CENPE: variants seen among roughly 807,000 people sequenced by gnomAD.
CENPE encodes the protein centromere protein E, also known as centromere-associated protein E.
CENPE carries 145 observed loss-of-function variants against 336.1 expected under a neutral mutation model. The observed-to-expected ratio is 0.43, with a 90% CI of 0.38 to 0.50. The LOEUF is 0.50. Among genes scored for constraint, CENPE ranks in the 20% least tolerant of loss-of-function variants. CENPE has a pLI of 0.00. For missense variants in CENPE, 2,719 were observed against 3,023.3 expected (o/e 0.90, Z 2.36); for synonymous variants, 1,013 against 984.8 (o/e 1.03, Z -0.54).
chr4:103,124,266 A>T (rs971246744), intron 42 of CENPE, among the ~76,000 whole-genome samples: 1 of 152,222 alleles, frequency 6.6e-6, no homozygotes, highest in African/African-American at 2.4e-5. Context: ...ACATTCTAAA[A>T]CAGTACTTTA....
rs755028755 is a variant in CENPE at position 103,108,876 on chromosome 4, A to T, written c.7938T>A (p.Asp2646Glu). Residue 2646 changes from aspartate to glutamate, a missense_variant, in exon 48 of 49, where the codon GAT (aspartate) becomes GAA (glutamate). By Grantham distance (45) the Asp-to-Glu change is conservative. Transcript: ENST00000265148. Reference sequence around the variant, plus strand: ...GTGATGGTAAAGACTTTGATCGGCTATCAAAAAAACAAGATTTTGGTGATT... The same window carrying T: ...GTGATGGTAAAGACTTTGATCGGCTTTCAAAAAAACAAGATTTTGGTGATT... ...PKESPKSCFF[D>E]SRSKSLPSPH... is the part of the protein sequence containing the mutation. 1.2e-6 allele frequency: 2 copies of T among 1,613,974 alleles called. No homozygotes were observed. Among genetic ancestry groups the T allele is most frequent in the Non-Finnish European group, 1.7e-6 (2 of 1,179,872 alleles).
chr4:103,139,995 C>T lies in CENPE; in HGVS notation c.5998G>A (p.Glu2000Lys). The T allele has an allele frequency of 6.2e-7, 1 of 1,612,838 alleles. No homozygotes were observed. Among genetic ancestry groups the T allele is most frequent in the East Asian group, 2.2e-5 (1 of 44,738 alleles). The change falls in exon 38 of 49, where the codon GAA becomes AAA. Residue 2000 changes from glutamate to lysine, a missense_variant. This residue lies in a region of CENPE where 2,437 missense variants were observed against 2,513.3 expected (regional missense o/e 0.97). Coordinates refer to ENST00000265148, the MANE Select transcript of CENPE (RefSeq NM_001813.3). ...GCCTCAAATTGCTTCTTCAACTGTT[C>T]CATTTCATTAATTTTTTTATGACTC... ...NMSHKKINEM[E>K]QLKKQFEAQN...
chr4:103,110,966 G>C lies in CENPE; in HGVS notation c.7586C>G (p.Thr2529Ser). 1.2e-6 allele frequency: 2 copies of C among 1,610,472 alleles called. No homozygotes were observed. The highest frequency in any genetic ancestry group is 1.7e-6 in the Non-Finnish European group (2 of 1,178,510). The change falls in exon 47 of 49, where the codon ACT becomes AGT. Residue 2529 changes from threonine (T) to serine (S), a missense_variant. By Grantham distance (58) the Thr-to-Ser change is moderately conservative. Transcript: ENST00000265148. ...TDPQPSNKPL[T>S]CGGGSGIVQN... ...TACAATGCCGCTGCCACCTCCACAA[G>C]TTAAGGGTTTATTTGAAGGCTGAGG... is the stretch of plus-strand genomic sequence containing the variant.
intron 42 of CENPE, among the ~76,000 whole-genome samples, chr4:103,131,387 A>G (rs1242547767): frequency 6.6e-6 from 1 of 152,158 alleles, no homozygotes; most frequent in Non-Finnish European, 1.5e-5. Context: ...ATGAGATACC[A>G]CTAGAATGGT....
intron 42 of CENPE, among the ~76,000 whole-genome samples, chr4:103,131,633 C>T (rs1472101152): frequency 6.6e-6 from 1 of 152,066 alleles, no homozygotes; most frequent in East Asian, 1.9e-4. Context: ...AAATGTATGT[C>T]CACACAAAAA....
intron 33 of CENPE, 92 bp from the exon 34 acceptor site, chr4:103,143,498 C>A (rs1371725320): frequency 1.2e-6 from 1 of 843,426 alleles, no homozygotes; most frequent in East Asian, 2.5e-5. Context: ...AAATCTTCCA[C>A]CCTCTTCTGA....
intron 23 of CENPE, 73 bp from the exon 24 acceptor site, chr4:103,158,531 A>G: frequency 6.6e-7 from 1 of 1,505,068 alleles, no homozygotes; most frequent in Non-Finnish European, 8.9e-7. Context: ...ACTACATAAC[A>G]TAATCATAAA....
At chr4:103,151,466 A>T in intron 25 of CENPE, 89 bp from the exon 26 acceptor site, 1 of 972,956 alleles carries the variant, frequency 1.0e-6, no homozygotes, top group East Asian at 2.9e-5. Context: ...CTCAGTCTGC[A>T]AATGAAGAAA....
chr4:103,181,465 A>G lies in CENPE; in HGVS notation c.964-9T>C, dbSNP rs979366056. The G allele has an allele frequency of 1.9e-6, 3 of 1,558,202 alleles. No homozygotes were observed. The highest frequency in any genetic ancestry group is 2.8e-5 in the African/African-American group (2 of 71,168). ...TTAGCAGTACTGGCAAACTGGAAAA[A>G]AAATACGAAAGTGCTAAGTGTTCAA... is the stretch of plus-strand genomic sequence containing the variant. On this transcript the variant is annotated splice_polypyrimidine_tract_variant and intron_variant, in intron 11 of 48. Transcript: ENST00000265148.
At chr4:103,131,523 C>T (rs1431012677) in intron 42 of CENPE, among the ~76,000 whole-genome samples, 2 of 152,088 alleles carry the variant, frequency 1.3e-5, no homozygotes, top group Non-Finnish European at 2.9e-5. Context: ...AATGGTACCG[C>T]CCCTTTGGAA....
chr4:103,138,189 A>AT (rs1752230896), intron 39 of CENPE, among the ~76,000 whole-genome samples, 162 bp downstream of exon 39: 1 of 152,158 alleles, frequency 6.6e-6, no homozygotes, highest in African/African-American at 2.4e-5. Context: ...GTATGTGTGT[A>AT]TATATGCATT....
chr4:103,119,146 C>T (rs1212212620), intron 44 of CENPE, among the ~76,000 whole-genome samples: 4 of 152,006 alleles, frequency 2.6e-5, no homozygotes, highest in Admixed American at 6.6e-5. Flanking sequence ...TCACTTTTCA[C>T]CACTTGAGAT....
chr4:103,171,866 AC>A (rs1175856162), intron 16 of CENPE, among the ~76,000 whole-genome samples: 1 of 151,958 alleles, frequency 6.6e-6, no homozygotes, highest in Non-Finnish European at 1.5e-5. Flanking sequence ...AAATTGAAAA[AC>A]CTAGAAGAAA....
intron 21 of CENPE, among the ~76,000 whole-genome samples, chr4:103,160,243 T>C (rs1754321623): frequency 6.6e-6 from 1 of 151,868 alleles, no homozygotes; most frequent in South Asian, 2.1e-4. Flanking sequence ...TAAAACTTTA[T>C]CAGTGCAACC....
Position 103,145,333 on chromosome 4 carries a change from A to G in CENPE, c.4574T>C (p.Ile1525Thr). The change falls in exon 32 of 49, where the codon ATC (isoleucine) becomes ACC (threonine). Residue 1525 changes from isoleucine (I) to threonine (T), a missense_variant and splice_region_variant. Transcript: ENST00000265148. ...EAINDKLQNK[I>T]QEIYEKEEQF... ...TTCCTCTTTCTCATAAATCTCTTGGATCTTAAACATAATTATAAAATAAGT... is the reference window on the plus strand; with the variant it reads ...TTCCTCTTTCTCATAAATCTCTTGGGTCTTAAACATAATTATAAAATAAGT... 1 of 1,507,734 alleles carries G rather than the reference A, an allele frequency of 6.6e-7. No homozygotes were observed. Among genetic ancestry groups the G allele is most frequent in the Non-Finnish European group, 9.1e-7 (1 of 1,097,664 alleles). 93.4% of individuals were successfully genotyped at this position (1,507,734 alleles called of 1,614,324 possible). A position where few individuals can be genotyped will look rare whatever the true frequency, so the allele number is the denominator to read the frequency against.
intron 25 of CENPE, among the ~76,000 whole-genome samples, chr4:103,152,186 C>T (rs535079878): frequency 1.3e-5 from 2 of 151,572 alleles, no homozygotes; most frequent in African/African-American, 4.8e-5. Flanking sequence ...TATTAAAAGA[C>T]CTATACACTG....
chr4:103,140,563 A>T, intron 36 of CENPE, 149 bp from the exon 37 acceptor site: 1 of 681,700 alleles, frequency 1.5e-6, no homozygotes, highest in Non-Finnish European at 2.3e-6. Context: ...GAGTAAAGTA[A>T]AATTTTCTGC....
At chr4:103,134,663 T>A (rs1751914769) in intron 40 of CENPE, among the ~76,000 whole-genome samples, 1 of 148,890 alleles carries the variant, frequency 6.7e-6, no homozygotes, top group Non-Finnish European at 1.5e-5. Context: ...AAAAAAAGAC[T>A]TCCTTGTCAA....
rs994739725 is a variant in CENPE, at chr4:103,151,348, A to T, written c.3267T>A (p.Leu1089=). The change falls in exon 26 of 49, where the codon CTT becomes CTA. Residue 1089 remains leucine (L), a synonymous_variant. Coordinates refer to ENST00000265148, the MANE Select transcript of CENPE (RefSeq NM_001813.3). ...MTIENQEELR[L]LGDELKKQQE... Reference sequence around the variant, plus strand: ...GTTGCTTTTTAAGTTCATCCCCAAGAAGTCTTAATTCTTCCTGGTTTTCAA... The same window carrying T: ...GTTGCTTTTTAAGTTCATCCCCAAGTAGTCTTAATTCTTCCTGGTTTTCAA... 1 of 1,590,520 alleles carries T rather than the reference A, an allele frequency of 6.3e-7. No individual in the cohort carries two copies. The highest frequency in any genetic ancestry group is 8.5e-7 in the Non-Finnish European group (1 of 1,174,762).
Sources: gnomAD v4.1 joint callset for allele counts (sites outside exome capture counted in the v4.1 genomes callset) on GRCh38, gnomAD v4.1.1 for gene constraint, gnomAD v4.1.1 regional missense constraint, MANE v1.5 for transcripts, NCBI Gene and HGNC (gene_info 2026-07-23, HGNC 2026-07-21) for gene names.